The following MEGF8 variants were observed in gnomAD, a reference collection of about 807,000 sequenced individuals.
MEGF8 encodes the protein multiple epidermal growth factor-like domains protein 8.
In MEGF8, 156 loss-of-function variants were observed where a neutral mutation model predicts 302.9. The ratio of observed to expected loss-of-function variants is 0.52; its 90% CI spans 0.45 to 0.59. The LOEUF (loss-of-function observed/expected upper bound fraction) is 0.59, where lower values mean the gene tolerates loss of function less well. MEGF8 is among the 20% of genes least tolerant of loss of function. MEGF8 has a pLI of 0.00. For synonymous variants in MEGF8, 1,621 were observed against 1,660.5 expected (o/e 0.98, Z 0.58); for missense variants, 3,345 against 3,964.5 (o/e 0.84, Z 4.20).
rs2039244889 is a variant in MEGF8, at chr19:42,343,577, G to A, written c.1614G>A (p.Gly538=). Residue 538 remains glycine (G), a synonymous_variant, in exon 9 of 42, where the codon GGG becomes GGA. Transcript: ENST00000251268. ...VAGGYSGRPR[G]DLMAYKVPPF... ...GGGGGTACAGCGGCCGGCCCCGTGGGGACTTGATGGCGTACAAGGTGCCCC... is the reference window on the plus strand; with the variant it reads ...GGGGGTACAGCGGCCGGCCCCGTGGAGACTTGATGGCGTACAAGGTGCCCC... 12 of 1,613,100 alleles carry A rather than the reference G, an allele frequency of 7.4e-6. No individual in the cohort carries two copies. The highest frequency in any genetic ancestry group is 1.7e-4 in the Middle Eastern group (1 of 6,024).
Position 42,352,181 on chromosome 19 carries a change from C to A in MEGF8, c.3102-27C>A. 1 of 1,487,316 alleles carries A rather than the reference C, an allele frequency of 6.7e-7. No individual in the cohort carries two copies. The highest frequency in any genetic ancestry group is 2.4e-5 in the East Asian group (1 of 42,030). 92.1% of individuals were successfully genotyped at this position (1,487,316 alleles called of 1,614,324 possible). A position where few individuals can be genotyped will look rare whatever the true frequency, so the allele number is the denominator to read the frequency against. The stretch of plus-strand genomic sequence containing the variant: ...ATGGCTCCTGTTTCTATGTTGTCCC[C>A]CGCTTCTTCACTCTCCCACCCTGCA... On this transcript the variant is annotated intron_variant, in intron 18 of 41. Transcript: ENST00000251268. The surrounding 1 kb of genome is among the most constrained non-coding windows in gnomAD (Gnocchi z 4.4).
intron 14 of MEGF8, 115 bp from the exon 15 acceptor site, chr19:42,350,033 C>A: frequency 1.2e-6 from 1 of 810,064 alleles, no homozygotes; most frequent in Non-Finnish European, 2.0e-6. Context: ...TAAATCCTGA[C>A]TTCCTATGTG....
intron 13 of MEGF8, among the ~76,000 whole-genome samples, chr19:42,349,203 G>A (rs1189002426): frequency 2.6e-5 from 4 of 151,978 alleles, no homozygotes; most frequent in Admixed American, 6.6e-5. Context: ...GGGAGGCTGA[G>A]GTGGGAGGAT....
At position 42,370,300 on chromosome 19, in the gene MEGF8, A is replaced by G. The variant is rs2039667811; in HGVS notation, c.6946A>G (p.Arg2316Gly). The G allele has an allele frequency of 1.9e-6, 3 of 1,612,644 alleles. No individual in the cohort carries two copies. Among genetic ancestry groups the G allele is most frequent in the African/African-American group, 1.3e-5 (1 of 74,926 alleles). Residue 2316 changes from arginine (R) to glycine (G), a missense_variant, in exon 39 of 42, where the codon AGG becomes GGG. By Grantham distance (125) the Arg-to-Gly change is moderately radical (BLOSUM62 -2). Transcript: ENST00000251268. ...TGGAAATAGCCACATCTGCATCTCC[A>G]GGAAGGAGTTACAAATGTCCAAGGG... ...CRGNSHICISRKELQMSKGEP... is the reference protein window; with the variant it reads ...CRGNSHICISGKELQMSKGEP...
intron 8 of MEGF8, among the ~76,000 whole-genome samples, chr19:42,340,962 C>T (rs570326695): frequency 6.6e-6 from 1 of 152,136 alleles, no homozygotes; most frequent in African/African-American, 2.4e-5. Context: ...GCCACCACGC[C>T]CGGCCTATTG....
chr19:42,346,984 C>CA (rs767117534), intron 12 of MEGF8, among the ~76,000 whole-genome samples: 664 of 48,990 alleles, frequency 0.014, 8 homozygotes, highest in South Asian at 0.022. Flanking sequence ...GACTCTGTCT[C>CA]AAAAAAAAAA....
At chr19:42,340,266 G>T (rs1277653259) in intron 8 of MEGF8, among the ~76,000 whole-genome samples, 1 of 152,056 alleles carries the variant, frequency 6.6e-6, no homozygotes, top group Non-Finnish European at 1.5e-5. Flanking sequence ...GTCTTGCTCT[G>T]TTGCCCAGAC....
At chr19:42,365,806 A>G (rs1600069805) in intron 35 of MEGF8, among the ~76,000 whole-genome samples, 2 of 145,522 alleles carry the variant, frequency 1.4e-5, no homozygotes, top group East Asian at 2.1e-4. Context: ...AAATTAGGCC[A>G]GGTGCAGTGG....
chr19:42,342,501 G>A (rs1446143727), intron 8 of MEGF8, among the ~76,000 whole-genome samples: 1 of 152,164 alleles, frequency 6.6e-6, no homozygotes, highest in Non-Finnish European at 1.5e-5. Context: ...GCCGGGCTTG[G>A]TGGCGGGCGC....
rs376248434 is a variant in MEGF8, at chr19:42,335,955, G to A, written c.853G>A (p.Val285Met). ...GGCTGCCCGTCACTCCCATGTGGCC[G>A]TGGCCTGGGCCGGCTCCCTGGTACT... ...APAARHSHVA[V>M]AWAGSLVLMG... The change falls in exon 6 of 42, where the codon GTG becomes ATG. Residue 285 changes from valine (V) to methionine (M), a missense_variant. Transcript: ENST00000251268. 189 of 1,492,192 alleles carry A rather than the reference G, an allele frequency of 1.3e-4. 1 individual carries two copies. Among genetic ancestry groups the A allele is most frequent in the South Asian group, 7.5e-4 (58 of 77,726 alleles). The allele number at this position is 1,492,192 out of a possible 1,614,324, so 92.4% of individuals were successfully genotyped here.
chr19:42,355,709 G>C, intron 23 of MEGF8, 49 bp from the exon 24 acceptor site: 1 of 1,504,578 alleles, frequency 6.6e-7, no homozygotes, highest in Non-Finnish European at 8.9e-7. Context: ...GGGGTGGAAG[G>C]GGCCAGGAAC....
chr19:42,355,650 A>G (rs1030341824), intron 23 of MEGF8, 108 bp from the exon 24 acceptor site: 17 of 1,407,904 alleles, frequency 1.2e-5, no homozygotes, highest in Admixed American at 2.7e-5. Flanking sequence ...TATGAATAAT[A>G]TGGTGCCTTC....
At chr19:42,326,467 G>A in intron 1 of MEGF8, 37 bp downstream of exon 1, 1 of 1,494,912 alleles carries the variant, frequency 6.7e-7, no homozygotes, top group Non-Finnish European at 8.9e-7. Flanking sequence ...CTAATTCGCT[G>A]GTAGTTCATT....
rs1212034078 is a variant in MEGF8 at position 42,351,204 on chromosome 19, A to G, written c.2737-12A>G. 3 of 1,552,500 alleles carry G rather than the reference A, an allele frequency of 1.9e-6. No homozygotes were observed. The highest frequency in any genetic ancestry group is 2.0e-5 in the Admixed American group (1 of 51,002). The stretch of plus-strand genomic sequence containing the variant: ...AGTGGGGTTCTGACTCCTCTGCCCA[A>G]CTGACCCCCAGGACCCCTTCTGTGA... On this transcript the variant is annotated splice_polypyrimidine_tract_variant and intron_variant, in intron 15 of 41. Transcript: ENST00000251268. This position sits in a 1 kb window ranked among gnomAD's most constrained non-coding sequence, Gnocchi z 5.6.
chr19:42,364,238 G>A (rs139679668), intron 35 of MEGF8, among the ~76,000 whole-genome samples: 21 of 152,228 alleles, frequency 1.4e-4, no homozygotes, highest in Non-Finnish European at 2.2e-4. Flanking sequence ...TTCCAAAGAC[G>A]CTTCCACCTG....
In MEGF8 at chr19:42,358,414, T is replaced by A; in HGVS notation, c.5175+107T>A. On this transcript the variant is annotated intron_variant, in intron 29 of 41. Transcript: ENST00000251268. The surrounding 1 kb of genome is among the most constrained non-coding windows in gnomAD (Gnocchi z 4.4). ...CATCCCAGATTCCTGCTTCCCCTCC[T>A]TTCTATGTTCCCTAACTAAGCGACA... The A allele has an allele frequency of 1.5e-6, 2 of 1,364,534 alleles. No homozygotes were observed. Among genetic ancestry groups the A allele is most frequent in the South Asian group, 2.8e-5 (2 of 70,920 alleles). The allele number at this position is 1,364,534 out of a possible 1,614,324, so 84.5% of individuals were successfully genotyped here.
rs374407078 is a variant in MEGF8, at chr19:42,333,708, G to A, written c.291G>A (p.Pro97=). 1.1e-5 allele frequency: 17 copies of A among 1,613,858 alleles called. No homozygotes were observed. The South Asian group carries it at 1.5e-4, about 15-fold the overall frequency. The change falls in exon 2 of 42, where the codon CCG becomes CCA. Residue 97 remains proline (P), a synonymous_variant. Transcript: ENST00000251268. ...FVYDGDSPRG[P]LLASLSGSTR... ...ATGACGGTGACTCCCCGCGAGGGCCGCTGCTTGCCAGTCTAAGTGGGAGCA... is the reference window on the plus strand; with the variant it reads ...ATGACGGTGACTCCCCGCGAGGGCCACTGCTTGCCAGTCTAAGTGGGAGCA...
intron 35 of MEGF8, among the ~76,000 whole-genome samples, chr19:42,366,084 G>GA (rs929282030): frequency 1.3e-5 from 2 of 151,064 alleles, no homozygotes; most frequent in South Asian, 2.1e-4. Flanking sequence ...TCCGTCTAAA[G>GA]AAAAAAAAAG....
Position 42,351,746 on chromosome 19 carries a change from A to G in MEGF8, c.3086A>G (p.Asn1029Ser), listed in dbSNP as rs752323870. The change falls in exon 18 of 42, where the codon AAC becomes AGC. Residue 1029 changes from asparagine to serine, a missense_variant. Physicochemically the swap from Asn to Ser is conservative, Grantham distance 46. Transcript: ENST00000251268. The surrounding 1 kb of genome is among the most constrained non-coding windows in gnomAD (Gnocchi z 5.6). ...HECGWCGNED[N>S]PTLGRCLQGD... ...TGTGGCTGGTGTGGCAATGAGGACA[A>G]CCCCACACTGGGACGGTGAGCCCGG... 2 of 1,580,608 alleles carry G rather than the reference A, an allele frequency of 1.3e-6. No individual in the cohort carries two copies.
Sources: allele counts gnomAD v4.1 joint callset (sites outside exome capture counted in the v4.1 genomes callset), GRCh38; gene constraint gnomAD v4.1.1; non-coding constraint Gnocchi (gnomAD v3.1); transcripts MANE v1.5; gene names NCBI Gene and HGNC (gene_info 2026-07-23, HGNC 2026-07-21).